NEBL: variants seen among roughly 807,000 people sequenced by gnomAD.
NEBL encodes the protein LIM and SH3 protein 2.
Under a neutral mutation model 140.2 loss-of-function variants are expected in NEBL, and 122 were observed. The ratio of observed to expected loss-of-function variants is 0.87; its 90% CI spans 0.75 to 1.01. The LOEUF (loss-of-function observed/expected upper bound fraction) is 1.01, where lower values mean the gene tolerates loss of function less well. Ranked by LOEUF, NEBL falls within the 50% of genes least tolerant of loss-of-function variation. NEBL has a pLI of 0.00. For missense variants in NEBL, 1,365 were observed against 1,231.3 expected (o/e 1.11, Z -1.62); for synonymous variants, 436 against 398.9 (o/e 1.09, Z -1.11).
chr10:21,220,044 C>G (rs747598242), intron 3 of NEBL, among the ~76,000 whole-genome samples: 41 of 152,012 alleles, frequency 2.7e-4, no homozygotes, highest in Admixed American at 2.6e-4. Flanking sequence ...TCCCAAGTAG[C>G]TGGGATTACA....
At chr10:21,276,085 C>G (rs1284216991) in intron 1 of NEBL, among the ~76,000 whole-genome samples, 1 of 151,646 alleles carries the variant, frequency 6.6e-6, no homozygotes, top group Admixed American at 6.6e-5. Flanking sequence ...ATTGTCATGC[C>G]TCAGCCTCCT....
chr10:20,809,739 C>T, intron 25 of NEBL, 67 bp downstream of exon 25: 1 of 1,222,858 alleles, frequency 8.2e-7, no homozygotes, highest in South Asian at 1.2e-5. Flanking sequence ...TGAACCTCTA[C>T]AGTTCACAGT....
At chr10:20,816,532 G>A (rs1838737431) in intron 21 of NEBL, among the ~76,000 whole-genome samples, 1 of 152,228 alleles carries the variant, frequency 6.6e-6, no homozygotes, top group South Asian at 2.1e-4. Context: ...ATGGGGGAAA[G>A]ATGAGCGTCT....
At chr10:20,817,534 T>C (rs1588677585) in intron 21 of NEBL, 66 bp downstream of exon 21, 1 of 1,226,814 alleles carries the variant, frequency 8.2e-7, no homozygotes, top group East Asian at 2.3e-5. Flanking sequence ...ATAAATACAA[T>C]CCCTTCATTC....
At chr10:21,288,768 A>AAAAAAAAAAAAAAAAG (rs1554836841) in intron 1 of NEBL, among the ~76,000 whole-genome samples, 1 of 118,950 alleles carries the variant, frequency 8.4e-6, no homozygotes, top group Non-Finnish European at 1.7e-5. Flanking sequence ...GCCAAAAAAA[A>AAAAAAAAAAAAAAAAG]AAAAAAGAAA....
At chr10:21,238,716 T>TA (rs35732687) in intron 3 of NEBL, among the ~76,000 whole-genome samples, 263 of 94,456 alleles carry the variant, frequency 2.8e-3, no homozygotes, top group Non-Finnish European at 4.0e-3. Flanking sequence ...TCAAAAAAAT[T>TA]AAAAAAAAAA....
chr10:21,192,348 C>G (rs111311263), intron 3 of NEBL, among the ~76,000 whole-genome samples: 11,591 of 151,534 alleles, frequency 0.076, 1,470 homozygotes, highest in African/African-American at 0.26. Context: ...CCCACCACCA[C>G]GCCTGGCTAA....
At chr10:20,907,210 G>A (rs10764290) in intron 4 of NEBL, among the ~76,000 whole-genome samples, 113,680 of 152,036 alleles carry the variant, frequency 0.75, 42,941 homozygotes, top group African/African-American at 0.86. Context: ...AAGCAATAAA[G>A]TCTACAACCT....
At chr10:20,788,381 C>T (rs1259134661) in intron 26 of NEBL, among the ~76,000 whole-genome samples, 1 of 151,962 alleles carries the variant, frequency 6.6e-6, no homozygotes, top group Non-Finnish European at 1.5e-5. Context: ...TTATTCAGAA[C>T]AGTTTTTATA....
chr10:20,873,837 T>C (rs921393124), intron 5 of NEBL, among the ~76,000 whole-genome samples: 66 of 152,318 alleles, frequency 4.3e-4, no homozygotes, highest in African/African-American at 1.5e-3. Context: ...AAAAATGATA[T>C]CATAACAAAA....
chr10:21,239,155 G>A (rs1049098327), intron 3 of NEBL, among the ~76,000 whole-genome samples: 1 of 152,064 alleles, frequency 6.6e-6, no homozygotes, highest in African/African-American at 2.4e-5. Context: ...TGAATTGCCT[G>A]GGTTGGTTAT....
chr10:21,290,883 G>A (rs923392306), intron 1 of NEBL, among the ~76,000 whole-genome samples: 6 of 152,066 alleles, frequency 3.9e-5, no homozygotes, highest in African/African-American at 9.7e-5. Flanking sequence ...AGTTTTGCAC[G>A]GCTCCCATGC....
At chr10:21,201,648 A>G (rs767203901) in intron 3 of NEBL, among the ~76,000 whole-genome samples, 4 of 152,256 alleles carry the variant, frequency 2.6e-5, no homozygotes, top group Non-Finnish European at 4.4e-5. Flanking sequence ...CAAAATCTGG[A>G]AATTAAAATA....
chr10:21,234,535 CCT>C (rs906360562), intron 3 of NEBL, among the ~76,000 whole-genome samples: 6 of 152,112 alleles, frequency 3.9e-5, no homozygotes, highest in African/African-American at 1.4e-4. Flanking sequence ...GTCAATTAAA[CCT>C]CTTTTCATTA....
At chr10:21,032,124 T>A (rs750251294) in intron 2 of NEBL, among the ~76,000 whole-genome samples, 12 of 152,226 alleles carry the variant, frequency 7.9e-5, no homozygotes, top group Non-Finnish European at 1.5e-4. Context: ...GAAGAAATTC[T>A]CCCATCAAAT....
At chr10:20,952,360 C>T (rs1409490905) in intron 4 of NEBL, among the ~76,000 whole-genome samples, 1 of 151,052 alleles carries the variant, frequency 6.6e-6, no homozygotes, top group Non-Finnish European at 1.5e-5. Flanking sequence ...TCACTTGAAC[C>T]CAGGAGGCAG....
At chr10:20,903,524 C>T (rs1180128580) in intron 4 of NEBL, among the ~76,000 whole-genome samples, 1 of 152,002 alleles carries the variant, frequency 6.6e-6, no homozygotes, top group African/African-American at 2.4e-5. Context: ...GGTATCTACC[C>T]AAAAGAAAAG....
chr10:21,054,634 T>C (rs960450099), intron 2 of NEBL, among the ~76,000 whole-genome samples: 3 of 152,176 alleles, frequency 2.0e-5, no homozygotes, highest in Non-Finnish European at 2.9e-5. Context: ...TGGATACAGA[T>C]GAAAGGAAGG....
At position 21,246,486 on chromosome 10, in the gene NEBL, CT is replaced by C. The variant is rs200844704; in HGVS notation, n.348+1434del. On this transcript the variant is annotated intron_variant and non_coding_transcript_variant, in intron 3 of 8. Transcript: ENST00000675702. The stretch of plus-strand genomic sequence containing the variant: ...ATATCCTTCAAGGGATAAGTGAGTC[CT>C]TTTTTTTTAATTGGGCCAGGCACAA... 2.6e-5 allele frequency among the ~76,000 whole-genome samples: 4 copies of C among 151,274 alleles called. No homozygotes were observed. The East Asian group carries it at 5.8e-4, about 22-fold the overall frequency.
Sources: allele counts gnomAD v4.1 joint callset (sites outside exome capture counted in the v4.1 genomes callset), GRCh38; gene constraint gnomAD v4.1.1; transcripts MANE v1.5; gene names NCBI Gene and HGNC (gene_info 2026-07-23, HGNC 2026-07-21).